Variants in KDM2B observed in about 807,000 individuals in gnomAD.
KDM2B encodes lysine-specific demethylase 2B.
KDM2B carries 26 observed loss-of-function variants against 150.0 expected under a neutral mutation model. That is an observed-to-expected ratio of 0.17 (90% confidence interval 0.13 to 0.24). KDM2B has a LOEUF of 0.24. Ranked by LOEUF, KDM2B falls within the 10% of genes least tolerant of loss-of-function variation. The probability of loss-of-function intolerance (pLI) is 1.00; values close to 1 mark genes in which losing one functional copy is unlikely to be tolerated. For synonymous variants in KDM2B, 734 were observed against 729.5 expected, an observed-to-expected ratio of 1.01 and a Z score of -0.10; for missense variants, 1,265 against 1,816.9, an observed-to-expected ratio of 0.70 and a Z score of 5.52.
intron 22 of KDM2B, among the ~76,000 whole-genome samples, chr12:121,439,135 G>T (rs1874523822): frequency 6.6e-6 from 1 of 152,140 alleles, no homozygotes; most frequent in Non-Finnish European, 1.5e-5. Context: ...TGATAGCAGG[G>T]TCACAAGGGG....
chr12:121,505,196 G>C (rs908307485), intron 11 of KDM2B, among the ~76,000 whole-genome samples: 1 of 149,264 alleles, frequency 6.7e-6, no homozygotes, highest in Non-Finnish European at 1.5e-5. Context: ...TGAGGCACGA[G>C]AATCGCTTGA....
chr12:121,492,613 T>TTA, intron 12 of KDM2B, among the ~76,000 whole-genome samples: 1 of 151,848 alleles, frequency 6.6e-6, no homozygotes, highest in Non-Finnish European at 1.5e-5. Flanking sequence ...AGGCCTGTAA[T>TTA]AAGTGTTTGA....
rs1482903100 is a variant in KDM2B at position 121,518,406 on chromosome 12, T to C, written c.1047+2579A>G. ...CTCAAGACCAGAAATCAAGGCAGAT[T>C]AAACAACCTGCCGCTGCTCCCAGCC... On this transcript the variant is annotated intron_variant, in intron 9 of 22. Transcript: ENST00000377071. The surrounding 1 kb of genome is among the most constrained non-coding windows in gnomAD (Gnocchi z 4.4). Among the ~76,000 whole-genome samples, 1 of 152,138 alleles carries C rather than the reference T, an allele frequency of 6.6e-6. No homozygotes were observed. Among genetic ancestry groups the C allele is most frequent in the African/African-American group, 2.4e-5 (1 of 41,436 alleles).
Position 121,430,341 on chromosome 12 carries a change from C to T in KDM2B, c.3958G>A (p.Val1320Met), listed in dbSNP as rs781815639. The change falls in exon 23 of 23, where the codon GTG (valine) becomes ATG (methionine). Residue 1320 changes from valine to methionine, a missense_variant. Around this residue, in one of 11 missense-constraint regions of KDM2B, gnomAD observed 251 missense variants for 397.8 expected, o/e 0.63. Transcript: ENST00000377071. The surrounding 1 kb of genome is among the most constrained non-coding windows in gnomAD (Gnocchi z 4.4). ...TCTACTTGCCCAAACTGGACACTCACAGACATCTCGGCTATGAACTGCTCA... is the reference window on the plus strand; with the variant it reads ...TCTACTTGCCCAAACTGGACACTCATAGACATCTCGGCTATGAACTGCTCA... ...GCEQFIAEMS[V>M]SVQFGQVEEK... is the part of the protein sequence containing the mutation. 1 of 1,614,168 alleles carries T rather than the reference C, an allele frequency of 6.2e-7. No homozygotes were observed. The highest frequency in any genetic ancestry group is 8.5e-7 in the Non-Finnish European group (1 of 1,180,012).
Position 121,443,736 on chromosome 12 carries a change from G to A in KDM2B, c.2509C>T (p.Leu837=). 2 of 1,611,760 alleles carry A rather than the reference G, an allele frequency of 1.2e-6. No homozygotes were observed. Among genetic ancestry groups the A allele is most frequent in the South Asian group, 2.2e-5 (2 of 91,062 alleles). ...CACCAGGGGCTGAGGCTGCTGCCTA[G>A]AGGGGGCCTCGGCGAGAGGTGAGAG... ...SSSHLSPRPP[L]GSSLSPWWRS... Residue 837 remains leucine (L), a synonymous_variant, in exon 17 of 23, where the codon CTA becomes TTA. Coordinates refer to ENST00000377071, the MANE Select transcript of KDM2B (RefSeq NM_032590.5).
chr12:121,525,493 C>T (rs192436684), intron 8 of KDM2B, among the ~76,000 whole-genome samples: 2 of 152,324 alleles, frequency 1.3e-5, no homozygotes, highest in East Asian at 3.9e-4. Context: ...ATCCGCCCAC[C>T]TCAGCCTCCC....
chr12:121,509,236 T>C (rs1885365806), intron 11 of KDM2B, among the ~76,000 whole-genome samples: 1 of 151,970 alleles, frequency 6.6e-6, no homozygotes, highest in African/African-American at 2.4e-5. Context: ...TTTTCCTTTT[T>C]TTTTTTTAGT....
chr12:121,569,818 CTTT>C (rs1417492813), intron 4 of KDM2B, among the ~76,000 whole-genome samples: 2 of 147,858 alleles, frequency 1.4e-5, no homozygotes, highest in Non-Finnish European at 2.9e-5. Context: ...TTCCTGCTTT[CTTT>C]TTTCTTTTCT....
chr12:121,479,424 G>A (rs1881818513), intron 12 of KDM2B, among the ~76,000 whole-genome samples: 1 of 149,452 alleles, frequency 6.7e-6, no homozygotes, highest in African/African-American at 2.5e-5. Flanking sequence ...CCGAGATCGT[G>A]CCACTGCACT....
In KDM2B at chr12:121,467,019, G is replaced by GCCGCCCCGC. The variant is rs1245712316; in HGVS notation, c.1735-13684_1735-13676dup. ...TACGCCCCGCTCGGGCCCGGCCCCG[G>GCCGCCCCGC]CCGCCCCGCCGGCAGCGGCAGCAAA... On this transcript the variant is annotated intron_variant, in intron 12 of 22. Coordinates refer to ENST00000377071, the MANE Select transcript of KDM2B (RefSeq NM_032590.5). The surrounding 1 kb of genome is among the most constrained non-coding windows in gnomAD (Gnocchi z 5.1). The GCCGCCCCGC allele has an allele frequency of 6.3e-6, 2 of 318,484 alleles. No individual in the cohort carries two copies. Among genetic ancestry groups the GCCGCCCCGC allele is most frequent in the East Asian group, 3.4e-4 (2 of 5,872 alleles). 19.7% of individuals were successfully genotyped at this position (318,484 alleles called of 1,614,324 possible). A position where few individuals can be genotyped will look rare whatever the true frequency, so the allele number is the denominator to read the frequency against.
In KDM2B at chr12:121,549,857, T is replaced by G. The variant is rs1411684191; in HGVS notation, c.398-219A>C. Among the ~76,000 whole-genome samples the G allele has an allele frequency of 6.9e-6, 1 of 144,442 alleles. No homozygotes were observed. Among genetic ancestry groups the G allele is most frequent in the Admixed American group, 6.8e-5 (1 of 14,692 alleles). 94.8% of individuals were successfully genotyped at this position (144,442 alleles called of 152,430 possible). A position where few individuals can be genotyped will look rare whatever the true frequency, so the allele number is the denominator to read the frequency against. On this transcript the variant is annotated intron_variant, in intron 4 of 22. Coordinates refer to ENST00000377071, the MANE Select transcript of KDM2B (RefSeq NM_032590.5). This position sits in a 1 kb window ranked among gnomAD's most constrained non-coding sequence, Gnocchi z 4.4. The stretch of plus-strand genomic sequence containing the variant: ...CACCACCATGGCCTCCACGCCAGTC[T>G]GCGATGACCTCAAAAGCTACCTAAA...
At chr12:121,511,533 G>A (rs1193305102) in intron 10 of KDM2B, among the ~76,000 whole-genome samples, 2 of 152,108 alleles carry the variant, frequency 1.3e-5, no homozygotes, top group Non-Finnish European at 2.9e-5. Flanking sequence ...TGATCCACAC[G>A]CCTCAGCCTC....
chr12:121,528,755 T>C (rs1337949654), intron 8 of KDM2B, among the ~76,000 whole-genome samples: 2 of 151,558 alleles, frequency 1.3e-5, no homozygotes, highest in Admixed American at 1.3e-4. Flanking sequence ...TAGCCAGGCG[T>C]GGCGGCACAT....
downstream of KDM2B, among the ~76,000 whole-genome samples, chr12:121,426,207 C>G (rs891821992): frequency 9.9e-5 from 15 of 152,254 alleles, no homozygotes; most frequent in African/African-American, 3.6e-4. Context: ...AATGTTTACT[C>G]TTAGATTTGT....
intron 6 of KDM2B, among the ~76,000 whole-genome samples, chr12:121,541,395 C>CA (rs59029432): frequency 0.22 from 6,206 of 28,534 alleles, 959 homozygotes; most frequent in African/African-American, 0.38. Flanking sequence ...GCCCCTGTCT[C>CA]AAAAAAAAAA....
chr12:121,473,289 G>A (rs1324736032), intron 12 of KDM2B, among the ~76,000 whole-genome samples: 2 of 152,024 alleles, frequency 1.3e-5, no homozygotes, highest in East Asian at 3.8e-4. Flanking sequence ...TTACTTGGGA[G>A]GCTGAGGCAG....
chr12:121,560,319 T>C (rs1347985705), intron 4 of KDM2B, among the ~76,000 whole-genome samples: 1 of 152,182 alleles, frequency 6.6e-6, no homozygotes, highest in African/African-American at 2.4e-5. Flanking sequence ...CTGACCCATT[T>C]CCAGAACTCA....
intron 6 of KDM2B, among the ~76,000 whole-genome samples, chr12:121,544,739 C>T (rs1260963933): frequency 2.6e-5 from 4 of 151,944 alleles, no homozygotes; most frequent in Non-Finnish European, 4.4e-5. Context: ...ATGGTGAAAC[C>T]CTGTCTCTAC....
chr12:121,535,521 G>A (rs1555308583), intron 6 of KDM2B, among the ~76,000 whole-genome samples: 2 of 152,198 alleles, frequency 1.3e-5, no homozygotes, highest in East Asian at 1.9e-4. Flanking sequence ...ACTAAAACCC[G>A]TTGAATTGTA....
Sources: gnomAD v4.1 joint callset for allele counts (sites outside exome capture counted in the v4.1 genomes callset) on GRCh38, gnomAD v4.1.1 for gene constraint, gnomAD v4.1.1 regional missense constraint, Gnocchi (gnomAD v3.1) non-coding constraint, MANE v1.5 for transcripts, NCBI Gene and HGNC (gene_info 2026-07-23, HGNC 2026-07-21) for gene names.